GSG1L: variants seen among roughly 807,000 people sequenced by gnomAD.
The protein encoded by GSG1L is germ cell-specific gene 1-like protein.
GSG1L carries 24 observed loss-of-function variants against 42.1 expected under a neutral mutation model. The observed-to-expected ratio is 0.57, with a 90% CI of 0.41 to 0.80. The LOEUF (loss-of-function observed/expected upper bound fraction) is 0.80, where lower values mean the gene tolerates loss of function less well. Among genes scored for constraint, GSG1L ranks in the 30% least tolerant of loss-of-function variants. GSG1L has a pLI of 0.00. For synonymous variants in GSG1L, 215 were observed against 203.5 expected, an observed-to-expected ratio of 1.06 and a Z score of -0.48; for missense variants, 445 against 472.2, an observed-to-expected ratio of 0.94 and a Z score of 0.53.
intron 6 of GSG1L, among the ~76,000 whole-genome samples, chr16:27,803,206 C>T (rs1476929437): frequency 6.6e-6 from 1 of 152,218 alleles, no homozygotes; most frequent in East Asian, 1.9e-4. Flanking sequence ...CCCCCCAGCT[C>T]CACGGTGGTG....
At chr16:27,840,137 C>G (rs1475419369) in intron 4 of GSG1L, among the ~76,000 whole-genome samples, 1 of 151,838 alleles carries the variant, frequency 6.6e-6, no homozygotes, top group Non-Finnish European at 1.5e-5. Context: ...TTGAGTGTCC[C>G]TCTCACTTTA....
chr16:27,912,136 C>A (rs1353720348), intron 2 of GSG1L, among the ~76,000 whole-genome samples: 1 of 152,196 alleles, frequency 6.6e-6, no homozygotes, highest in Non-Finnish European at 1.5e-5. Flanking sequence ...GGTCTGACTC[C>A]TACCACTGTC....
At chr16:27,803,793 A>ATATAAT (rs1567460435) in intron 6 of GSG1L, among the ~76,000 whole-genome samples, 2 of 56,108 alleles carry the variant, frequency 3.6e-5, no homozygotes, top group African/African-American at 1.5e-4. Context: ...ATATATATAT[A>ATATAAT]TAGATAGATA....
At chr16:27,883,955 C>T (rs530019294) in intron 3 of GSG1L, among the ~76,000 whole-genome samples, 1 of 152,364 alleles carries the variant, frequency 6.6e-6, no homozygotes, top group African/African-American at 2.4e-5. Flanking sequence ...CTGCCCAACA[C>T]ACTCTTGCCC....
intron 6 of GSG1L, among the ~76,000 whole-genome samples, chr16:27,797,585 G>T (rs1382571372): frequency 3.3e-5 from 5 of 151,374 alleles, no homozygotes; most frequent in Non-Finnish European, 5.9e-5. Flanking sequence ...CACTTTGGGA[G>T]GCCGAGGCGG....
chr16:27,924,385 C>T (rs531158886), intron 2 of GSG1L, among the ~76,000 whole-genome samples: 1 of 147,262 alleles, frequency 6.8e-6, no homozygotes. Context: ...AAATGTACTA[C>T]CCTAACACAG....
intron 1 of GSG1L, among the ~76,000 whole-genome samples, chr16:28,005,366 C>A (rs569467266): frequency 1.3e-5 from 2 of 152,102 alleles, no homozygotes; most frequent in Non-Finnish European, 2.9e-5. Flanking sequence ...TGCCCTCCTC[C>A]GCCTCCCAAA....
chr16:28,039,845 T>C (rs1039963617), intron 1 of GSG1L, among the ~76,000 whole-genome samples: 2 of 151,962 alleles, frequency 1.3e-5, no homozygotes, highest in Non-Finnish European at 2.9e-5. Context: ...CACACAACAG[T>C]TTGGGCTTCT....
At chr16:27,972,716 AAC>A (rs1483582903) in intron 1 of GSG1L, among the ~76,000 whole-genome samples, 1 of 152,200 alleles carries the variant, frequency 6.6e-6, no homozygotes, top group Admixed American at 6.5e-5. Context: ...CGTGATTCTT[AAC>A]CCCGGAAATG....
chr16:27,926,268 C>T (rs1190734847), intron 2 of GSG1L, among the ~76,000 whole-genome samples: 1 of 152,160 alleles, frequency 6.6e-6, no homozygotes, highest in African/African-American at 2.4e-5. Flanking sequence ...TAAGGACCTG[C>T]TATGTGCCAG....
chr16:28,002,697 GAGGCGGGAGGACCAGA>G (rs2085591086), intron 1 of GSG1L, among the ~76,000 whole-genome samples: 1 of 152,060 alleles, frequency 6.6e-6, no homozygotes, highest in African/African-American at 2.4e-5. Context: ...TTGGGAGGCC[GAGGCGGGAGGACCAGA>G]AGGTCAGGAG....
chr16:27,810,984 G>A (rs570690134), intron 5 of GSG1L, among the ~76,000 whole-genome samples: 28 of 151,186 alleles, frequency 1.9e-4, no homozygotes, highest in Non-Finnish European at 2.2e-4. Context: ...CACCACGCCC[G>A]GCCCAAAAAA....
chr16:27,864,320 G>C (rs8061139), intron 3 of GSG1L, among the ~76,000 whole-genome samples: 1 of 152,186 alleles, frequency 6.6e-6, no homozygotes, highest in Non-Finnish European at 1.5e-5. Context: ...AGTTTCCAAA[G>C]GAAAGTCATT....
intron 1 of GSG1L, among the ~76,000 whole-genome samples, chr16:27,969,280 GCAACCCTTC>G (rs1390928601): frequency 6.6e-6 from 1 of 152,030 alleles, no homozygotes; most frequent in Non-Finnish European, 1.5e-5. Context: ...CTCATTTCCT[GCAACCCTTC>G]CAGCCCTAGG....
At chr16:27,892,345 C>T (rs985349181) in intron 2 of GSG1L, among the ~76,000 whole-genome samples, 1 of 151,894 alleles carries the variant, frequency 6.6e-6, no homozygotes, top group Non-Finnish European at 1.5e-5. Context: ...GCCCCAGCTA[C>T]TTGGGAGGTT....
intron 6 of GSG1L, among the ~76,000 whole-genome samples, chr16:27,792,471 C>T (rs548818374): frequency 2.0e-5 from 3 of 152,320 alleles, no homozygotes; most frequent in East Asian, 1.9e-4. Context: ...CTTGTCACCC[C>T]TCAAGTGTCT....
chr16:27,816,460 GC>G (rs1226605170), intron 5 of GSG1L, among the ~76,000 whole-genome samples: 3 of 152,180 alleles, frequency 2.0e-5, no homozygotes, highest in Non-Finnish European at 2.9e-5. Flanking sequence ...AGATGGAAGA[GC>G]CCCAGGGAAA....
intron 4 of GSG1L, among the ~76,000 whole-genome samples, chr16:27,844,749 T>G (rs1230762229): frequency 6.6e-6 from 1 of 152,176 alleles, no homozygotes; most frequent in Non-Finnish European, 1.5e-5. Flanking sequence ...AAACAGGTGG[T>G]GGGCCAGATT....
intron 1 of GSG1L, among the ~76,000 whole-genome samples, chr16:27,997,091 C>T (rs2085522722): frequency 6.6e-6 from 1 of 152,022 alleles, no homozygotes. Context: ...GTCAGGAGTC[C>T]ACCATGGTTC....
Sources: gnomAD v4.1 joint callset for allele counts (sites outside exome capture counted in the v4.1 genomes callset) on GRCh38, gnomAD v4.1.1 for gene constraint, MANE v1.5 for transcripts, NCBI Gene and HGNC (gene_info 2026-07-23, HGNC 2026-07-21) for gene names.